Variants in BAIAP2L2 observed in about 807,000 individuals in gnomAD.
BAIAP2L2 encodes the protein BAR/IMD domain containing adaptor protein 2 like 2, also known as BAR/IMD domain-containing adapter protein 2-like 2.
A neutral mutation model predicts 60.4 loss-of-function variants in BAIAP2L2; 65 were observed. That is an observed-to-expected ratio of 1.08 (90% CI 0.88 to 1.32). The LOEUF is 1.32. Among genes scored for constraint, BAIAP2L2 ranks in the 40% most tolerant of loss-of-function variants. The pLI, the probability that BAIAP2L2 is intolerant of heterozygous loss-of-function variation, is 0.00. For synonymous variants in BAIAP2L2, 344 were observed against 301.7 expected (o/e 1.14, Z -1.45); for missense variants, 836 against 741.2 (o/e 1.13, Z -1.48).
intron 7 of BAIAP2L2, among the ~76,000 whole-genome samples, chr22:38,094,154 G>GTGGGAGGAT (rs1194471591): frequency 2.6e-5 from 4 of 152,092 alleles, no homozygotes; most frequent in African/African-American, 9.7e-5. Context: ...GGCTGGGGGA[G>GTGGGAGGAT]TGGGAGGATT....
intron 5 of BAIAP2L2, 30 bp downstream of exon 5, chr22:38,098,381 T>C (rs2086492688): frequency 6.2e-7 from 1 of 1,606,928 alleles, no homozygotes; most frequent in African/African-American, 1.3e-5. Flanking sequence ...CTGCAGTGAG[T>C]TGGGGGCCGA....
chr22:38,097,820 C>A (rs2086473853), intron 6 of BAIAP2L2, among the ~76,000 whole-genome samples: 1 of 152,054 alleles, frequency 6.6e-6, no homozygotes, highest in South Asian at 2.1e-4. Flanking sequence ...GCAGGAGAGG[C>A]CCGGGGATTC....
At chr22:38,085,618 G>C in intron 13 of BAIAP2L2, 68 bp downstream of exon 13, 1 of 1,541,182 alleles carries the variant, frequency 6.5e-7, no homozygotes, top group Non-Finnish European at 9.0e-7. Context: ...CTAGTAGCTG[G>C]GACTACAAGT....
In BAIAP2L2 at chr22:38,087,974, G is replaced by T. The variant is rs1219816705; in HGVS notation, c.1119-710C>A. 4.1e-5 allele frequency among the ~76,000 whole-genome samples: 6 copies of T among 146,288 alleles called. No individual in the cohort carries two copies. In the South Asian group the frequency reaches 1.3e-3, roughly 32 times the overall value. ...CGCACATCCCCTGGTCCACCCATTC[G>T]CCTGTCCACCATCCATTAAGCACAG... On this transcript the variant is annotated intron_variant, in intron 10 of 13. Transcript: ENST00000381669.
Position 38,085,691 on chromosome 22 carries a change from G to A in BAIAP2L2, c.1509C>T (p.Phe503=), listed in dbSNP as rs1231012588. The change falls in exon 13 of 14, where the codon TTC becomes TTT. Residue 503 remains phenylalanine (F), a synonymous_variant. Coordinates refer to ENST00000381669, the MANE Select transcript of BAIAP2L2 (RefSeq NM_025045.6). The stretch of plus-strand genomic sequence containing the variant: ...GCCCCCATGTGAGGACTCACCTCGG[G>A]AAGAGCTCCTGTGGTGGGTACTGCT... The part of the protein sequence containing the change: ...SSEQYPPQEL[F]PRGTNPFATV... 1 of 1,613,160 alleles carries A rather than the reference G, an allele frequency of 6.2e-7. No individual in the cohort carries two copies. The highest frequency in any genetic ancestry group is 8.5e-7 in the Non-Finnish European group (1 of 1,179,792).
chr22:38,097,106 C>G lies in BAIAP2L2; in HGVS notation c.538G>C (p.Glu180Gln). Residue 180 changes from glutamate (E) to glutamine (Q), a missense_variant, in exon 7 of 14, where the codon GAG becomes CAG. Transcript: ENST00000381669. ...SESQRAAELE[E>Q]KRRYRFLAEK... ...GCTAGGAAGCGATAGCGCCGCTTCT[C>G]TTCCAATTCAGCCGCCCGCTGACTC... 1 of 1,614,114 alleles carries G rather than the reference C, an allele frequency of 6.2e-7. No homozygotes were observed. Among genetic ancestry groups the G allele is most frequent in the Non-Finnish European group, 8.5e-7 (1 of 1,180,034 alleles).
chr22:38,107,908 T>C lies in BAIAP2L2; in HGVS notation c.220A>G (p.Ile74Val). ...QSPTSQILGE[I>V]LVQMSDTQRH... The stretch of plus-strand genomic sequence containing the variant: ...TGGGTGTCAGACATCTGCACCAAGA[T>C]CTCCCCTGGAGGCATGGATGCAGCT... The change falls in exon 4 of 14, where the codon ATC (isoleucine) becomes GTC (valine). Residue 74 changes from isoleucine to valine, a missense_variant. Ile to Val is a conservative substitution (Grantham distance 29). Transcript: ENST00000381669. 6.2e-7 allele frequency: 1 copy of C among 1,613,394 alleles called. No homozygotes were observed. Among genetic ancestry groups the C allele is most frequent in the Non-Finnish European group, 8.5e-7 (1 of 1,179,908 alleles).
chr22:38,101,371 TAAAAAAAA>T (rs529893934), intron 4 of BAIAP2L2, among the ~76,000 whole-genome samples: 1 of 80,756 alleles, frequency 1.2e-5, no homozygotes, highest in African/African-American at 5.6e-5. Flanking sequence ...TGTCTCTACA[TAAAAAAAA>T]AAAAAAAAAA....
rs535353166 is a variant in BAIAP2L2 at position 38,110,617 on chromosome 22, G to A, written c.-92C>T. ...GGTAGGTAGTCCCTCAGGTGCCCAC[G>A]ACTCAGCTGGCAGCGAGGAAGCCTC... On this transcript the variant is annotated 5_prime_UTR_variant, in exon 1 of 14. Coordinates refer to ENST00000381669, the MANE Select transcript of BAIAP2L2 (RefSeq NM_025045.6). 82 of 1,067,112 alleles carry A rather than the reference G, an allele frequency of 7.7e-5. No homozygotes were observed. In the African/African-American group the frequency reaches 9.6e-4, roughly 13 times the overall value. The allele number at this position is 1,067,112 out of a possible 1,614,324, so 66.1% of individuals were successfully genotyped here. A position where few individuals can be genotyped will look rare whatever the true frequency, so the allele number is the denominator to read the frequency against.
At chr22:38,094,188 G>A (rs1293783594) in intron 7 of BAIAP2L2, among the ~76,000 whole-genome samples, 3 of 151,820 alleles carry the variant, frequency 2.0e-5, no homozygotes, top group Admixed American at 6.6e-5. Context: ...AAGGGGTACC[G>A]GTTTGTATTT....
Position 38,097,140 on chromosome 22 carries a change from G to T in BAIAP2L2, c.504C>A (p.Phe168Leu). ...VNRLHAQMQAFVSESQRAAEL... is the reference protein window; with the variant it reads ...VNRLHAQMQALVSESQRAAEL... ...CAGCCGCCCGCTGACTCTCAGACAC[G>T]AAGGCCTGCATCTGTGCGTGCAGCC... Residue 168 changes from phenylalanine to leucine, a missense_variant, in exon 7 of 14, where the codon TTC (phenylalanine) becomes TTA (leucine). By Grantham distance (22) the Phe-to-Leu change is conservative (BLOSUM62 0). Transcript: ENST00000381669. 6.2e-7 allele frequency: 1 copy of T among 1,613,928 alleles called. No homozygotes were observed. The highest frequency in any genetic ancestry group is 8.5e-7 in the Non-Finnish European group (1 of 1,180,030).
In BAIAP2L2 at chr22:38,097,081, G is replaced by A. The variant is rs749016513; in HGVS notation, c.563C>T (p.Ala188Val). Residue 188 changes from alanine (A) to valine (V), a missense_variant, in exon 7 of 14, where the codon GCA (alanine) becomes GTA (valine). Ala to Val is a moderately conservative substitution (Grantham distance 64, BLOSUM62 0). Coordinates refer to ENST00000381669, the MANE Select transcript of BAIAP2L2 (RefSeq NM_025045.6). Reference protein sequence around the residue: ...LEEKRRYRFLAEKHLLLSNTF... With the variant: ...LEEKRRYRFLVEKHLLLSNTF... ...GTTGGAAAGTAGCAGGTGCTTCTCT[G>A]CTAGGAAGCGATAGCGCCGCTTCTC... 1.3e-5 allele frequency: 21 copies of A among 1,614,084 alleles called. No homozygotes were observed. Among genetic ancestry groups the A allele is most frequent in the Non-Finnish European group, 1.7e-5 (20 of 1,180,000 alleles).
chr22:38,108,059 G>C (rs950544003), intron 3 of BAIAP2L2, 146 bp from the exon 4 acceptor site: 58 of 1,026,514 alleles, frequency 5.7e-5, no homozygotes, highest in Non-Finnish European at 8.0e-5. Flanking sequence ...TGGTTCTCTG[G>C]GAGCCAGGCC....
At position 38,089,140 on chromosome 22, in the gene BAIAP2L2, T is replaced by C; in HGVS notation, c.857A>G (p.Gln286Arg). The stretch of plus-strand genomic sequence containing the variant: ...CAGGGAGCGACGGTCTGGCTCTAGC[T>C]GGGACGCGGGCCTCGCGTCGGGCTC... ...GTEPDARPAS[Q>R]LEPDRRSLPR... Residue 286 changes from glutamine (Q) to arginine (R), a missense_variant, in exon 9 of 14, where the codon CAG becomes CGG. Physicochemically the swap from Gln to Arg is conservative, Grantham distance 43 (BLOSUM62 1). Transcript: ENST00000381669. 7.4e-7 allele frequency: 1 copy of C among 1,345,754 alleles called. No homozygotes were observed. Among genetic ancestry groups the C allele is most frequent in the Non-Finnish European group, 9.5e-7 (1 of 1,053,802 alleles). 83.4% of individuals were successfully genotyped at this position (1,345,754 alleles called of 1,614,324 possible). A position where few individuals can be genotyped will look rare whatever the true frequency, so the allele number is the denominator to read the frequency against.
chr22:38,087,835 G>C (rs1299234209), intron 10 of BAIAP2L2, among the ~76,000 whole-genome samples: 1 of 147,718 alleles, frequency 6.8e-6, no homozygotes, highest in Non-Finnish European at 1.5e-5. Context: ...TCACCCATCA[G>C]TGTCTGTCCA....
At chr22:38,093,258 T>G (rs2086350714) in intron 7 of BAIAP2L2, among the ~76,000 whole-genome samples, 1 of 152,228 alleles carries the variant, frequency 6.6e-6, no homozygotes, top group African/African-American at 2.4e-5. Context: ...CTGCCATGAT[T>G]GTAAGCTTCT....
At chr22:38,105,089 T>A (rs116603053) in intron 4 of BAIAP2L2, among the ~76,000 whole-genome samples, 1,624 of 152,274 alleles carry the variant, frequency 0.011, 35 homozygotes, top group African/African-American at 0.035. Flanking sequence ...AAACATTTTT[T>A]AAAACATTCT....
At chr22:38,085,514 A>C in intron 13 of BAIAP2L2, 139 bp from the exon 14 acceptor site, 3 of 1,284,232 alleles carry the variant, frequency 2.3e-6, no homozygotes, top group Admixed American at 1.9e-5. Context: ...GCCCCGCTTC[A>C]TCTTTTTTTT....
chr22:38,107,367 CG>C (rs1277994721), intron 4 of BAIAP2L2, among the ~76,000 whole-genome samples: 5 of 152,044 alleles, frequency 3.3e-5, no homozygotes, highest in African/African-American at 1.2e-4. Context: ...CCCACTCTTC[CG>C]GGGGGCTGGG....
Sources: gnomAD v4.1 joint callset for allele counts (sites outside exome capture counted in the v4.1 genomes callset) on GRCh38, gnomAD v4.1.1 for gene constraint, MANE v1.5 for transcripts, NCBI Gene and HGNC (gene_info 2026-07-23, HGNC 2026-07-21) for gene names.